HIVEP1: variants seen among roughly 807,000 people sequenced by gnomAD.
HIVEP1 encodes HIVEP zinc finger 1, also known as zinc finger protein 40.
Under a neutral mutation model 180.0 loss-of-function variants are expected in HIVEP1, and 36 were observed. The observed-to-expected ratio is 0.20, with a 90% confidence interval of 0.15 to 0.26. The LOEUF is 0.26. HIVEP1 is among the 10% of genes least tolerant of loss of function. The pLI, the probability that HIVEP1 is intolerant of heterozygous loss-of-function variation, is 1.00. For missense variants in HIVEP1, 3,143 were observed against 3,268.7 expected (o/e 0.96, Z 0.94); for synonymous variants, 1,239 against 1,239.0 (o/e 1.00, Z 0.00).
At chr6:12,057,137 A>G (rs1770937316) in intron 2 of HIVEP1, among the ~76,000 whole-genome samples, 3 of 152,190 alleles carry the variant, frequency 2.0e-5, no homozygotes, top group Admixed American at 1.3e-4. Context: ...TGACAAAGCT[A>G]TCCTTATATT....
intron 3 of HIVEP1, among the ~76,000 whole-genome samples, chr6:12,112,137 A>G (rs758540671): frequency 6.6e-6 from 1 of 152,186 alleles, no homozygotes; most frequent in Non-Finnish European, 1.5e-5. Flanking sequence ...AAATCTTGCT[A>G]TGGCCTTCAT....
At chr6:12,139,680 T>A (rs1323895321) in intron 7 of HIVEP1, among the ~76,000 whole-genome samples, 4 of 152,248 alleles carry the variant, frequency 2.6e-5, no homozygotes, top group Admixed American at 2.6e-4. Flanking sequence ...CACCAGAAGA[T>A]TATATCCCGC....
At chr6:12,111,758 A>G (rs1367850802) in intron 3 of HIVEP1, among the ~76,000 whole-genome samples, 3 of 152,230 alleles carry the variant, frequency 2.0e-5, no homozygotes, top group Non-Finnish European at 4.4e-5. Context: ...TTGTGTAATT[A>G]AATTTGAAAG....
chr6:12,137,542 G>A (rs905042878), intron 7 of HIVEP1, among the ~76,000 whole-genome samples: 9 of 151,662 alleles, frequency 5.9e-5, no homozygotes, highest in Admixed American at 6.6e-5. Flanking sequence ...GATAAACAGC[G>A]TAGTTTTACC....
chr6:12,171,346 C>T, the HIVEP1 span, among the ~76,000 whole-genome samples: 1 of 152,178 alleles, frequency 6.6e-6, no homozygotes, highest in Non-Finnish European at 1.5e-5. Context: ...GCCACTACGC[C>T]CAGCCAGAAA....
the HIVEP1 span, among the ~76,000 whole-genome samples, chr6:12,185,105 A>G: frequency 6.6e-6 from 1 of 152,240 alleles, no homozygotes; most frequent in Non-Finnish European, 1.5e-5. Context: ...GACAAAAATG[A>G]TGAAGTAACT....
the HIVEP1 span, among the ~76,000 whole-genome samples, chr6:12,179,212 AC>A: frequency 6.6e-6 from 1 of 152,114 alleles, no homozygotes; most frequent in African/African-American, 2.4e-5. Context: ...GTTGTTTTCT[AC>A]CCGAGTTGGG....
At chr6:12,135,488 TTTAAA>T (rs1230514404) in intron 6 of HIVEP1, among the ~76,000 whole-genome samples, 5 of 152,180 alleles carry the variant, frequency 3.3e-5, no homozygotes, top group African/African-American at 4.8e-5. Flanking sequence ...TGAACGGGAC[TTTAAA>T]TTAAGTATGT....
At chr6:12,044,470 A>C (rs1400840550) in intron 2 of HIVEP1, among the ~76,000 whole-genome samples, 2 of 151,956 alleles carry the variant, frequency 1.3e-5, no homozygotes, top group Non-Finnish European at 2.9e-5. Context: ...AACGCCCCTC[A>C]AAGCAGTCAA....
At position 12,123,064 on chromosome 6, in the gene HIVEP1, A is replaced by G; in HGVS notation, c.3269A>G (p.Asn1090Ser). 1 of 1,614,034 alleles carries G rather than the reference A, an allele frequency of 6.2e-7. No individual in the cohort carries two copies. The highest frequency in any genetic ancestry group is 8.5e-7 in the Non-Finnish European group (1 of 1,180,006). Residue 1090 changes from asparagine to serine, a missense_variant, in exon 4 of 9, where the codon AAC (asparagine) becomes AGC (serine). By Grantham distance (46) the Asn-to-Ser change is conservative. Transcript: ENST00000379388. ...DQQHKNIQLQ[N>S]SHIHLVARGP... ...CAGCATAAAAATATACAGTTGCAAA[A>G]CTCCCATATTCACCTTGTTGCCAGG...
In HIVEP1 at chr6:12,160,175, C is replaced by G. The variant is rs573363774; in HGVS notation, c.6488-1264C>G. Among the ~76,000 whole-genome samples, 4 of 152,216 alleles carry G rather than the reference C, an allele frequency of 2.6e-5. No homozygotes were observed. In the South Asian group the frequency reaches 8.3e-4, roughly 32 times the overall value. ...TTATTAAGCTTTCAGTGGGAAAGAG[C>G]CTCTAATTTGCAAGATTTTGAAAAT... On this transcript the variant is annotated intron_variant, in intron 7 of 8. Transcript: ENST00000379388.
At chr6:12,056,183 CTT>C (rs1194177553) in intron 2 of HIVEP1, among the ~76,000 whole-genome samples, 1 of 151,856 alleles carries the variant, frequency 6.6e-6, no homozygotes, top group Non-Finnish European at 1.5e-5. Flanking sequence ...GTTTAAATGT[CTT>C]TGGGATTTAT....
At position 12,161,662 on chromosome 6, in the gene HIVEP1, C is replaced by G. The variant is rs200831545; in HGVS notation, c.6711C>G (p.Cys2237Trp). 48 of 1,614,056 alleles carry G rather than the reference C, an allele frequency of 3.0e-5. No homozygotes were observed. The highest frequency in any genetic ancestry group is 4.1e-5 in the Non-Finnish European group (48 of 1,180,044). Residue 2237 changes from cysteine to tryptophan, a missense_variant, in exon 8 of 9, where the codon TGC (cysteine) becomes TGG (tryptophan). Physicochemically the swap from Cys to Trp is radical, Grantham distance 215. Coordinates refer to ENST00000379388, the MANE Select transcript of HIVEP1 (RefSeq NM_002114.4). ...STDEDVRITDCFSGVHTDPMD... is the reference protein window; with the variant it reads ...STDEDVRITDWFSGVHTDPMD... Reference sequence around the variant, plus strand: ...ACGAGGATGTCAGGATCACCGATTGCTTTTCTGGGGTACACACGGACCCAA... The same window carrying G: ...ACGAGGATGTCAGGATCACCGATTGGTTTTCTGGGGTACACACGGACCCAA...
intron 3 of HIVEP1, among the ~76,000 whole-genome samples, chr6:12,102,609 A>G (rs1478348450): frequency 1.3e-5 from 2 of 152,240 alleles, no homozygotes; most frequent in East Asian, 3.8e-4. Context: ...ATTCCTCTAC[A>G]TGAGGAAACT....
chr6:12,121,772 A>G lies in HIVEP1; in HGVS notation c.1977A>G (p.Gln659=). 1 of 1,614,206 alleles carries G rather than the reference A, an allele frequency of 6.2e-7. No individual in the cohort carries two copies. Among genetic ancestry groups the G allele is most frequent in the Non-Finnish European group, 8.5e-7 (1 of 1,180,026 alleles). Residue 659 remains glutamine, a synonymous_variant, in exon 4 of 9, where the codon CAA becomes CAG. Coordinates refer to ENST00000379388, the MANE Select transcript of HIVEP1 (RefSeq NM_002114.4). The surrounding 1 kb of genome is among the most constrained non-coding windows in gnomAD (Gnocchi z 5.3). ...CTACCGATTACTCCCAAGAGCAGCA[A>G]GGAAAGCTCCTGAGTCCTCGAAGTT... ...QQATDYSQEQ[Q]GKLLSPRSLG... is the part of the protein sequence containing the mutation.
At chr6:12,144,177 CAG>C (rs1447607649) in intron 7 of HIVEP1, among the ~76,000 whole-genome samples, 1 of 152,158 alleles carries the variant, frequency 6.6e-6, no homozygotes, top group African/African-American at 2.4e-5. Flanking sequence ...GGTACCAAAA[CAG>C]ATATATAGAC....
chr6:12,193,791 T>C, the HIVEP1 span, among the ~76,000 whole-genome samples: 1 of 152,202 alleles, frequency 6.6e-6, no homozygotes, highest in Non-Finnish European at 1.5e-5. Flanking sequence ...ATGCAAGTTA[T>C]GAGAAAGAGA....
In HIVEP1 at chr6:12,123,068, C is replaced by T; in HGVS notation, c.3273C>T (p.Ser1091=). ...ATAAAAATATACAGTTGCAAAACTC[C>T]CATATTCACCTTGTTGCCAGGGGCC... The part of the protein sequence containing the change: ...QQHKNIQLQN[S]HIHLVARGPE... Residue 1091 remains serine (S), a synonymous_variant, in exon 4 of 9, where the codon TCC becomes TCT. Transcript: ENST00000379388. 2 of 1,614,138 alleles carry T rather than the reference C, an allele frequency of 1.2e-6. No individual in the cohort carries two copies. Among genetic ancestry groups the T allele is most frequent in the Non-Finnish European group, 1.7e-6 (2 of 1,180,038 alleles).
intron 2 of HIVEP1, among the ~76,000 whole-genome samples, chr6:12,043,553 G>C (rs1417736945): frequency 2.0e-5 from 3 of 152,096 alleles, no homozygotes; most frequent in African/African-American, 4.8e-5. Context: ...TTTTGGTAGA[G>C]CCGGGGTTTT....
Sources: allele counts gnomAD v4.1 joint callset (sites outside exome capture counted in the v4.1 genomes callset), GRCh38; gene constraint gnomAD v4.1.1; non-coding constraint Gnocchi (gnomAD v3.1); transcripts MANE v1.5; gene names NCBI Gene and HGNC (gene_info 2026-07-23, HGNC 2026-07-21).